The following CFTR variants were observed in gnomAD, a reference collection of about 807,000 sequenced individuals.
CFTR encodes cystic fibrosis transmembrane conductance regulator.
A neutral mutation model predicts 171.6 loss-of-function variants in CFTR; 181 were observed. The observed-to-expected ratio is 1.05, with a 90% CI of 0.93 to 1.19. The LOEUF (loss-of-function observed/expected upper bound fraction) is 1.19, where lower values mean the gene tolerates loss of function less well. Ranked by LOEUF, CFTR falls within the 50% of genes most tolerant of loss-of-function variation. The pLI is 0.00. For missense variants in CFTR, 1,968 were observed against 1,734.7 expected, an observed-to-expected ratio of 1.13 and a Z score of -2.39; for synonymous variants, 583 against 608.0, an observed-to-expected ratio of 0.96 and a Z score of 0.60.
intron 24 of CFTR, 89 bp downstream of exon 24, chr7:117,653,020 T>C: frequency 1.2e-6 from 1 of 836,154 alleles, no homozygotes; most frequent in Non-Finnish European, 2.1e-6. Flanking sequence ...ACACACTTTG[T>C]GTGCATGTAT....
intron 24 of CFTR, 22 bp downstream of exon 24, chr7:117,652,953 A>G (rs1793111028): frequency 7.1e-7 from 1 of 1,415,000 alleles, no homozygotes; most frequent in Non-Finnish European, 1.0e-6. Context: ...AACTGAAATG[A>G]TTTTGAAAGG....
intron 1 of CFTR, among the ~76,000 whole-genome samples, chr7:117,501,353 C>T (rs981846984): frequency 1.3e-5 from 2 of 151,890 alleles, no homozygotes; most frequent in African/African-American, 4.8e-5. Context: ...TTTAAATTTT[C>T]AGAAAATTTG....
At chr7:117,640,177 A>G (rs1792889593) in intron 22 of CFTR, among the ~76,000 whole-genome samples, 1 of 152,184 alleles carries the variant, frequency 6.6e-6, no homozygotes, top group South Asian at 2.1e-4. Flanking sequence ...AGCCTTATTC[A>G]ACAGATCACT....
Position 117,611,650 on chromosome 7 carries a change from G to A in CFTR, c.3209G>A (p.Arg1070Gln), listed in dbSNP as rs78769542. Reference protein sequence around the residue: ...KGLWTLRAFGRQPYFETLFHK... With the variant: ...KGLWTLRAFGQQPYFETLFHK... ...CTATGGACACTTCGTGCCTTCGGAC[G>A]GCAGCCTTACTTTGAAACTCTGTTC... The change falls in exon 20 of 27, where the codon CGG (arginine) becomes CAG (glutamine). Residue 1070 changes from arginine to glutamine, a missense_variant. Coordinates refer to ENST00000003084, the MANE Select transcript of CFTR (RefSeq NM_000492.4). The A allele has an allele frequency of 3.1e-4, 496 of 1,613,422 alleles. 6 individuals carry two copies. In the South Asian group the frequency reaches 4.7e-3, roughly 15 times the overall value.
In CFTR at chr7:117,553,008, G is replaced by A. The variant is rs889233188; in HGVS notation, c.1392+4185G>A. Among the ~76,000 whole-genome samples the A allele has an allele frequency of 2.6e-5, 4 of 152,002 alleles. No individual in the cohort carries two copies. The East Asian group carries it at 7.7e-4, about 29-fold the overall frequency. ...GTCTTTATAAAAGAAACCTTAGAGA[G>A]ACCCTCACACCTTAGAGAGACCCTC... On this transcript the variant is annotated intron_variant, in intron 10 of 26. Transcript: ENST00000003084.
chr7:117,509,110 T>C lies in CFTR; in HGVS notation c.241T>C (p.Phe81Leu), dbSNP rs1166373038. 2 of 1,608,782 alleles carry C rather than the reference T, an allele frequency of 1.2e-6. No homozygotes were observed. The highest frequency in any genetic ancestry group is 4.5e-5 in the East Asian group (2 of 44,822). The stretch of plus-strand genomic sequence containing the variant: ...CCTTCGGCGATGTTTTTTCTGGAGA[T>C]TTATGTTCTATGGAATCTTTTTATA... ...NALRRCFFWR[F>L]MFYGIFLYLG... Residue 81 changes from phenylalanine (F) to leucine (L), a missense_variant, in exon 3 of 27, where the codon TTT (phenylalanine) becomes CTT (leucine). By Grantham distance (22) the Phe-to-Leu change is conservative. Coordinates refer to ENST00000003084, the MANE Select transcript of CFTR (RefSeq NM_000492.4).
intron 3 of CFTR, among the ~76,000 whole-genome samples, chr7:117,529,596 A>G (rs1446608573): frequency 1.3e-5 from 2 of 151,926 alleles, no homozygotes; most frequent in African/African-American, 4.8e-5. Flanking sequence ...AAAACATTGT[A>G]TATAAAGCAC....
chr7:117,487,466 T>G (rs2116613760), intron 1 of CFTR, among the ~76,000 whole-genome samples: 1 of 152,292 alleles, frequency 6.6e-6, no homozygotes, highest in Non-Finnish European at 1.5e-5. Context: ...GGACACAACA[T>G]ATGAGAGATC....
chr7:117,642,508 C>T lies in CFTR; in HGVS notation c.3788C>T (p.Thr1263Ile), dbSNP rs773151957. ...LLSAFLRLLN[T>I]EGEIQIDGVS... ...TCAGCTTTTTTGAGACTACTGAACA[C>T]TGAAGGAGAAATCCAGATCGATGGT... The change falls in exon 23 of 27, where the codon ACT becomes ATT. Residue 1263 changes from threonine (T) to isoleucine (I), a missense_variant. By Grantham distance (89) the Thr-to-Ile change is moderately conservative (BLOSUM62 -1). Coordinates refer to ENST00000003084, the MANE Select transcript of CFTR (RefSeq NM_000492.4). 1 of 1,613,644 alleles carries T rather than the reference C, an allele frequency of 6.2e-7. No homozygotes were observed. The highest frequency in any genetic ancestry group is 8.5e-7 in the Non-Finnish European group (1 of 1,179,766).
intron 11 of CFTR, among the ~76,000 whole-genome samples, chr7:117,565,258 GT>G (rs1791580964): frequency 6.6e-6 from 1 of 152,160 alleles, no homozygotes; most frequent in Non-Finnish European, 1.5e-5. Flanking sequence ...TTAAGCCCTA[GT>G]TAATTTACTT....
chr7:117,659,493 C>T (rs1793232129), intron 24 of CFTR, among the ~76,000 whole-genome samples: 1 of 152,094 alleles, frequency 6.6e-6, no homozygotes, highest in African/African-American at 2.4e-5. Context: ...TGGAAATAGC[C>T]TTGTGATTGA....
chr7:117,499,619 G>T (rs1044363774), intron 1 of CFTR, among the ~76,000 whole-genome samples: 9 of 150,566 alleles, frequency 6.0e-5, no homozygotes, highest in Non-Finnish European at 1.2e-4. Flanking sequence ...ATCTCTGTTT[G>T]CTATCCCATA....
intron 23 of CFTR, among the ~76,000 whole-genome samples, chr7:117,650,698 T>C (rs904491653): frequency 6.6e-6 from 1 of 152,114 alleles, no homozygotes; most frequent in African/African-American, 2.4e-5. Flanking sequence ...CCATATGAAA[T>C]GCTTCAACTC....
rs143107721 is a variant in CFTR at position 117,521,460 on chromosome 7, T to C, written c.274-9439T>C. ...GAAATCCTTTTTCAGGTTAATAATG[T>C]ATCTTTATATTCAAGTTTATTAAGA... On this transcript the variant is annotated intron_variant, in intron 3 of 26. Coordinates refer to ENST00000003084, the MANE Select transcript of CFTR (RefSeq NM_000492.4). 3.4e-3 allele frequency among the ~76,000 whole-genome samples: 514 copies of C among 152,220 alleles called. 1 individual carries two copies. The highest frequency in any genetic ancestry group is 5.5e-3 in the Non-Finnish European group (371 of 67,946).
chr7:117,664,133 T>C (rs1793329954), intron 24 of CFTR, among the ~76,000 whole-genome samples: 1 of 152,210 alleles, frequency 6.6e-6, no homozygotes, highest in Non-Finnish European at 1.5e-5. Context: ...ATTTTCCATA[T>C]GTAATTTAAA....
chr7:117,632,427 G>A (rs1355746549), intron 22 of CFTR, among the ~76,000 whole-genome samples: 1 of 151,962 alleles, frequency 6.6e-6, no homozygotes, highest in East Asian at 1.9e-4. Context: ...AGGTGGGCGT[G>A]TGTTGTGTGC....
intron 11 of CFTR, among the ~76,000 whole-genome samples, chr7:117,585,633 T>C (rs562612258): frequency 6.0e-4 from 91 of 152,234 alleles, no homozygotes; most frequent in African/African-American, 1.9e-3. Context: ...AAGTGTTTTT[T>C]GTTTGTTTGT....
At chr7:117,602,764 G>A in intron 15 of CFTR, 62 bp from the exon 16 acceptor site, 1 of 1,285,342 alleles carries the variant, frequency 7.8e-7, no homozygotes, top group Non-Finnish European at 1.1e-6. Flanking sequence ...TTTAGATGTG[G>A]GCATGGGAGG....
chr7:117,537,101 G>T (rs1311819799), intron 7 of CFTR, among the ~76,000 whole-genome samples: 4 of 152,066 alleles, frequency 2.6e-5, no homozygotes, highest in African/African-American at 7.2e-5. Context: ...GAAAAAAATT[G>T]TATTTGGTTA....
Sources: allele counts gnomAD v4.1 joint callset (sites outside exome capture counted in the v4.1 genomes callset), GRCh38; gene constraint gnomAD v4.1.1; transcripts MANE v1.5; gene names NCBI Gene and HGNC (gene_info 2026-07-23, HGNC 2026-07-21).